The following NFASC variants were observed in gnomAD, a reference collection of about 807,000 sequenced individuals.
NFASC encodes the protein neurofascin, also known as neurofascin homolog.
In NFASC, 43 loss-of-function variants were observed where a neutral mutation model predicts 147.5. That is an observed-to-expected ratio of 0.29 (90% CI 0.23 to 0.38). The LOEUF is 0.38. NFASC is among the 10% of genes least tolerant of loss of function. The pLI, the probability that NFASC is intolerant of heterozygous loss-of-function variation, is 1.00. For missense variants in NFASC, 1,320 were observed against 1,689.0 expected (o/e 0.78, Z 3.83); for synonymous variants, 622 against 665.5 (o/e 0.93, Z 1.01).
intron 26 of NFASC, among the ~76,000 whole-genome samples, 184 bp downstream of exon 26, chr1:205,001,470 G>C (rs879601715): frequency 6.6e-6 from 1 of 152,148 alleles, no homozygotes; most frequent in African/African-American, 2.4e-5. Context: ...GGAGGAACAG[G>C]CTCAAGGAAA....
rs768772802 is a variant in NFASC, at chr1:205,016,630, A to G, written c.*91A>G. On this transcript the variant is annotated 3_prime_UTR_variant, in exon 30 of 30. Coordinates refer to ENST00000339876, the MANE Select transcript of NFASC (RefSeq NM_001005388.3). The surrounding 1 kb of genome is among the most constrained non-coding windows in gnomAD (Gnocchi z 5.1). ...ACTGCAGACCTACCACGAAGCCACC[A>G]CCACCTTCAGTAACAAGGGTACGAT... 2.3e-6 allele frequency: 2 copies of G among 881,780 alleles called. No homozygotes were observed. The highest frequency in any genetic ancestry group is 3.8e-6 in the Non-Finnish European group (2 of 533,172). 54.6% of individuals were successfully genotyped at this position (881,780 alleles called of 1,614,324 possible).
intron 23 of NFASC, among the ~76,000 whole-genome samples, chr1:204,990,741 T>G (rs1039097924): frequency 6.6e-6 from 1 of 151,910 alleles, no homozygotes; most frequent in Non-Finnish European, 1.5e-5. Context: ...TGGTGTGGAG[T>G]GGGTGCAGCT....
chr1:204,944,472 G>GCTGGC, intron 3 of NFASC, 66 bp downstream of exon 3: 1 of 402,576 alleles, frequency 2.5e-6, no homozygotes, highest in Admixed American at 3.4e-5. Flanking sequence ...GGAGGGGAGG[G>GCTGGC]AAGGTCAGAG....
chr1:204,974,405 C>A, intron 13 of NFASC, 115 bp downstream of exon 13: 1 of 871,988 alleles, frequency 1.1e-6, no homozygotes, highest in African/African-American at 1.7e-5. Context: ...AGGGTCAAAG[C>A]TGGGAGGAAG....
intron 2 of NFASC, among the ~76,000 whole-genome samples, chr1:204,936,851 G>A (rs1263883318): frequency 5.3e-5 from 8 of 152,166 alleles, no homozygotes; most frequent in Non-Finnish European, 1.0e-4. Flanking sequence ...AGAGCTCTCC[G>A]TGAGCATGCC....
intron 2 of NFASC, among the ~76,000 whole-genome samples, chr1:204,940,280 C>T (rs113218744): frequency 1.4e-4 from 22 of 152,294 alleles, no homozygotes; most frequent in African/African-American, 5.3e-4. Flanking sequence ...TGGTCAAACT[C>T]TGTCTCTACT....
At chr1:204,958,469 A>T (rs1484354951) in intron 8 of NFASC, among the ~76,000 whole-genome samples, 1 of 152,140 alleles carries the variant, frequency 6.6e-6, no homozygotes, top group African/African-American at 2.4e-5. Flanking sequence ...GCAAATCAGC[A>T]TTTCCCGACC....
intron 1 of NFASC, among the ~76,000 whole-genome samples, chr1:204,864,413 T>C (rs897717375): frequency 2.0e-5 from 3 of 152,240 alleles, no homozygotes; most frequent in Non-Finnish European, 4.4e-5. Flanking sequence ...TATTAACTCT[T>C]ATGTTTAACT....
chr1:204,879,815 G>A (rs1417509495), intron 1 of NFASC, among the ~76,000 whole-genome samples: 1 of 152,188 alleles, frequency 6.6e-6, no homozygotes, highest in African/African-American at 2.4e-5. Context: ...AGAAGATTTA[G>A]CATCTTTCAA....
chr1:204,971,983 A>C (rs2095271787), intron 11 of NFASC, among the ~76,000 whole-genome samples: 1 of 152,224 alleles, frequency 6.6e-6, no homozygotes, highest in South Asian at 2.1e-4. Context: ...ACGTGTAAGG[A>C]GAGTGACTGG....
intron 2 of NFASC, among the ~76,000 whole-genome samples, chr1:204,943,274 C>T (rs2093484150): frequency 6.6e-6 from 1 of 152,174 alleles, no homozygotes; most frequent in East Asian, 1.9e-4. Flanking sequence ...CTATTTGAGT[C>T]TCAGCTGTAG....
At position 204,833,760 on chromosome 1, in the gene NFASC, G is replaced by C. The variant is rs539748464; in HGVS notation, c.-200+4978G>C. On this transcript the variant is annotated intron_variant, in intron 1 of 29. Coordinates refer to ENST00000339876, the MANE Select transcript of NFASC (RefSeq NM_001005388.3). ...ATTTGTTAGTTGGATTAGGTTGTTG[G>C]AGTCATGGAGGTGACATGGCACAGT... Among the ~76,000 whole-genome samples the C allele has an allele frequency of 2.0e-5, 3 of 152,320 alleles. No individual in the cohort carries two copies. In the South Asian group the frequency reaches 6.2e-4, roughly 32 times the overall value.
In NFASC at chr1:205,020,296, G is replaced by A. The variant is rs550581535; in HGVS notation, c.*3757G>A. The A allele has an allele frequency of 3.3e-5, 5 of 152,412 alleles. No individual in the cohort carries two copies. Among genetic ancestry groups the A allele is most frequent in the East Asian group, 3.9e-4 (2 of 5,186 alleles). The allele number at this position is 152,412 out of a possible 1,614,324, so 9.4% of individuals were successfully genotyped here. A position where few individuals can be genotyped will look rare whatever the true frequency, so the allele number is the denominator to read the frequency against. On this transcript the variant is annotated 3_prime_UTR_variant, in exon 30 of 30. Coordinates refer to ENST00000339876, the MANE Select transcript of NFASC (RefSeq NM_001005388.3). ...AGGATGTGTGGGTTTCCCAGCTAAC[G>A]GACAAGCTCCCCTGCCACACCCAGT...
At chr1:204,887,149 C>T (rs961874424) in intron 1 of NFASC, among the ~76,000 whole-genome samples, 2 of 152,148 alleles carry the variant, frequency 1.3e-5, no homozygotes, top group Non-Finnish European at 2.9e-5. Flanking sequence ...AACAATAACT[C>T]CCTATTCCCT....
intron 28 of NFASC, 39 bp downstream of exon 28, chr1:205,009,727 A>G (rs752532659): frequency 6.2e-7 from 1 of 1,600,726 alleles, no homozygotes; most frequent in Non-Finnish European, 8.5e-7. Context: ...AGGGTGGGGC[A>G]CGTCCACTTT....
chr1:204,877,067 TTTATATATATATA>T (rs1558550163), intron 1 of NFASC, among the ~76,000 whole-genome samples: 1 of 110,550 alleles, frequency 9.0e-6, no homozygotes, highest in African/African-American at 4.6e-5. Context: ...TATTTATATA[TTTATATATATATA>T]ATATATTTAT....
rs1355583945 is a variant in NFASC at position 204,986,061 on chromosome 1, G to A, written c.2471-1357G>A. On this transcript the variant is annotated intron_variant, in intron 21 of 29. Transcript: ENST00000339876. This position sits in a 1 kb window ranked among gnomAD's most constrained non-coding sequence, Gnocchi z 4.2. The stretch of plus-strand genomic sequence containing the variant: ...AAGCTGGAGATGGTTGTGGTCAATG[G>A]GAGAGGTGATGGGCCTCGCAGTGAG... The A allele has an allele frequency of 6.2e-7, 1 of 1,614,182 alleles. No homozygotes were observed. Among genetic ancestry groups the A allele is most frequent in the Non-Finnish European group, 8.5e-7 (1 of 1,180,026 alleles).
chr1:204,870,798 C>G lies in NFASC; in HGVS notation c.-200+42016C>G. On this transcript the variant is annotated intron_variant, in intron 1 of 29. Coordinates refer to ENST00000339876, the MANE Select transcript of NFASC (RefSeq NM_001005388.3). ...TTGAGATAATAAAGCCCTGTTTATG[C>G]CACGGAGGGCTGGGGAGGTGGCCGA... 3.4e-6 allele frequency: 4 copies of G among 1,175,156 alleles called. No individual in the cohort carries two copies. In the East Asian group the frequency reaches 2.4e-4, roughly 72 times the overall value. 72.8% of individuals were successfully genotyped at this position (1,175,156 alleles called of 1,614,324 possible).
rs2095081595 is a variant in NFASC at position 204,968,590 on chromosome 1, G to A, written c.819-208G>A. On this transcript the variant is annotated intron_variant, in intron 9 of 29. Coordinates refer to ENST00000339876, the MANE Select transcript of NFASC (RefSeq NM_001005388.3). This position sits in a 1 kb window ranked among gnomAD's most constrained non-coding sequence, Gnocchi z 5.4. ...GAAGGTGATTAGGCATCCCGTAGAT[G>A]CGTTAGAATCTCGTGGGACCTTAGC... The A allele has an allele frequency of 1.6e-6, 1 of 615,972 alleles. No individual in the cohort carries two copies. The highest frequency in any genetic ancestry group is 2.8e-6 in the Non-Finnish European group (1 of 351,246). 38.2% of individuals were successfully genotyped at this position (615,972 alleles called of 1,614,324 possible). A position where few individuals can be genotyped will look rare whatever the true frequency, so the allele number is the denominator to read the frequency against.
Sources: allele counts gnomAD v4.1 joint callset (sites outside exome capture counted in the v4.1 genomes callset), GRCh38; gene constraint gnomAD v4.1.1; non-coding constraint Gnocchi (gnomAD v3.1); transcripts MANE v1.5; gene names NCBI Gene and HGNC (gene_info 2026-07-23, HGNC 2026-07-21).